The following SPATA31F1 variants were observed in gnomAD, a reference collection of about 807,000 sequenced individuals.
SPATA31F1 encodes the protein SPATA31 subfamily F member 1, also known as protein SPATA31F1.
At chr9:34,724,058 C>G in the SPATA31F1 span, 3 of 1,515,644 alleles carry the variant, frequency 2.0e-6, no homozygotes, top group African/African-American at 2.7e-5. Flanking sequence ...ATCCCCTTCT[C>G]TGTGGTCCCT....
chr9:34,726,494 T>C, the SPATA31F1 span: 1 of 1,551,664 alleles, frequency 6.4e-7, no homozygotes, highest in Non-Finnish European at 8.7e-7. Context: ...ATGCTGGCCT[T>C]GGTTTCCCTG....
the SPATA31F1 span, chr9:34,727,929 A>C: frequency 8.4e-7 from 1 of 1,195,208 alleles, no homozygotes; most frequent in Non-Finnish European, 1.2e-6. Context: ...CCTCCCAGCC[A>C]TTATCTTTCT....
the SPATA31F1 span, chr9:34,723,665 T>C: frequency 4.5e-6 from 7 of 1,551,548 alleles, no homozygotes; most frequent in Middle Eastern, 1.7e-4. Flanking sequence ...CACCAGCCCA[T>C]GCAAAACTTG....
the SPATA31F1 span, chr9:34,723,162 A>G: frequency 6.7e-7 from 1 of 1,481,898 alleles, no homozygotes; most frequent in East Asian, 2.5e-5. Context: ...GAGCCTATAA[A>G]CTCTTTTTCA....
the SPATA31F1 span, chr9:34,725,040 G>A: frequency 1.5e-3 from 2,275 of 1,551,818 alleles, no homozygotes; most frequent in Non-Finnish European, 1.8e-3. Flanking sequence ...ATAACTTTGT[G>A]ATGCAGGTCC....
At chr9:34,728,998 G>A in the SPATA31F1 span, among the ~76,000 whole-genome samples, 218 of 152,128 alleles carry the variant, frequency 1.4e-3, 1 homozygote, top group African/African-American at 4.6e-3. Flanking sequence ...CCCACCAACC[G>A]GAAAAATCCC....
the SPATA31F1 span, chr9:34,724,296 T>C: frequency 3.1e-5 from 48 of 1,551,494 alleles, no homozygotes; most frequent in Non-Finnish European, 4.1e-5. Context: ...GGTACAGCTT[T>C]GGAATTGGAT....
chr9:34,723,358 G>A, the SPATA31F1 span: 1 of 1,551,694 alleles, frequency 6.4e-7, no homozygotes, highest in Non-Finnish European at 8.7e-7. Flanking sequence ...TATCGTCTAG[G>A]GATTGGGGAC....
the SPATA31F1 span, chr9:34,726,642 C>A: frequency 6.4e-7 from 1 of 1,551,842 alleles, no homozygotes; most frequent in Non-Finnish European, 8.7e-7. Flanking sequence ...TGGAGGTGAT[C>A]AGCCCAGTAA....
chr9:34,724,520 G>A, the SPATA31F1 span: 2 of 1,551,312 alleles, frequency 1.3e-6, no homozygotes, highest in Non-Finnish European at 8.7e-7. Context: ...TGCCCTAATG[G>A]GAATTCCCCA....
the SPATA31F1 span, chr9:34,725,062 T>C: frequency 1.3e-6 from 2 of 1,551,922 alleles, no homozygotes; most frequent in Non-Finnish European, 1.7e-6. Context: ...GGTCACTTGC[T>C]GTCTGCAGTT....
the SPATA31F1 span, chr9:34,728,572 C>G: frequency 6.5e-7 from 1 of 1,544,824 alleles, no homozygotes; most frequent in Non-Finnish European, 8.8e-7. Context: ...GAAACACCCA[C>G]AGTGGAAGGG....
chr9:34,728,508 T>C, the SPATA31F1 span: 1 of 1,154,310 alleles, frequency 8.7e-7, no homozygotes, highest in Non-Finnish European at 1.2e-6. Flanking sequence ...GAGTCTTCAG[T>C]GGCAGAGCAC....
At chr9:34,723,799 G>A in the SPATA31F1 span, 1 of 1,551,744 alleles carries the variant, frequency 6.4e-7, no homozygotes, top group Non-Finnish European at 8.7e-7. Context: ...GTTCAAGGAT[G>A]ACAGTTAGCT....
At chr9:34,725,841 C>G in the SPATA31F1 span, 14 of 1,551,334 alleles carry the variant, frequency 9.0e-6, no homozygotes, top group South Asian at 1.5e-4. Flanking sequence ...AGAAAAGGAT[C>G]CTTCAAGGGG....
At chr9:34,727,918 C>T in the SPATA31F1 span, 3 of 1,072,486 alleles carry the variant, frequency 2.8e-6, no homozygotes, top group East Asian at 2.7e-5. Flanking sequence ...GTGTATGTCT[C>T]CCTCCCAGCC....
the SPATA31F1 span, chr9:34,723,293 C>T: frequency 2.8e-5 from 43 of 1,551,450 alleles, no homozygotes; most frequent in East Asian, 4.9e-4. Context: ...AGGGCAGTGG[C>T]GGGGGTAGCC....
At chr9:34,726,939 C>A in the SPATA31F1 span, 1 of 1,551,568 alleles carries the variant, frequency 6.4e-7, no homozygotes, top group South Asian at 1.2e-5. Context: ...CAGCAGGGAT[C>A]TGCACACAGG....
the SPATA31F1 span, chr9:34,724,406 G>C: frequency 6.5e-7 from 1 of 1,550,320 alleles, no homozygotes; most frequent in Admixed American, 2.0e-5. Flanking sequence ...TGGTGGGATG[G>C]GCAGTTCCTG....
Sources: allele counts gnomAD v4.1 joint callset (sites outside exome capture counted in the v4.1 genomes callset), GRCh38; gene constraint gnomAD v4.1.1; transcripts MANE v1.5; gene names NCBI Gene and HGNC (gene_info 2026-07-23, HGNC 2026-07-21).